Variants in PRAG1 observed in about 807,000 individuals in gnomAD.
PRAG1 encodes the protein inactive tyrosine-protein kinase PRAG1.
PRAG1 carries 110 observed loss-of-function variants against 95.6 expected under a neutral mutation model. The observed-to-expected ratio is 1.15, with a 90% CI of 0.99 to 1.35. The LOEUF (loss-of-function observed/expected upper bound fraction) is 1.35. Ranked by LOEUF, PRAG1 falls within the 40% of genes most tolerant of loss-of-function variation. The pLI is 0.00. For synonymous variants in PRAG1, 1,052 were observed against 819.4 expected (o/e 1.28, Z -4.85); for missense variants, 2,554 against 1,864.7 (o/e 1.37, Z -6.81).
rs775909969 is a variant in PRAG1 at position 8,327,851 on chromosome 8, G to T, written c.2931C>A (p.Gly977=). 6.2e-7 allele frequency: 1 copy of T among 1,614,204 alleles called. No homozygotes were observed. The highest frequency in any genetic ancestry group is 1.3e-5 in the African/African-American group (1 of 75,050). ...VAKCEDLFMG[G]QKKELHFNEN... is the part of the protein sequence containing the mutation. ...CATTGAAGTGGAGCTCCTTTTTCTGGCCGCCCATGAAGAGGTCCTCACATT... is the reference window on the plus strand; with the variant it reads ...CATTGAAGTGGAGCTCCTTTTTCTGTCCGCCCATGAAGAGGTCCTCACATT... The change falls in exon 5 of 6, where the codon GGC becomes GGA. Residue 977 remains glycine (G), a synonymous_variant. Transcript: ENST00000615670.
Position 8,381,694 on chromosome 8 carries a change from A to T in PRAG1, c.54T>A (p.Ser18Arg). Residue 18 changes from serine to arginine, a missense_variant, in exon 2 of 6, where the codon AGT becomes AGA. Ser to Arg is a moderately radical substitution (Grantham distance 110). Transcript: ENST00000615670. ...NPESLKMSAC[S>R]DFVEHIWKPG... ...GTTTCCAGATGTGCTCCACAAAGTC[A>T]CTGCACGCAGACATTTTCAGGCTCT... The T allele has an allele frequency of 7.4e-6, 12 of 1,610,924 alleles. No homozygotes were observed. The highest frequency in any genetic ancestry group is 1.0e-5 in the Non-Finnish European group (12 of 1,177,618).
At chr8:8,325,777 G>A (rs542133341) in intron 5 of PRAG1, among the ~76,000 whole-genome samples, 2 of 152,082 alleles carry the variant, frequency 1.3e-5, no homozygotes, top group East Asian at 1.9e-4. Context: ...GGCGTGGTGA[G>A]GGGGCGGCGC....
At chr8:8,327,115 A>G (rs547248074) in intron 5 of PRAG1, among the ~76,000 whole-genome samples, 1 of 152,278 alleles carries the variant, frequency 6.6e-6, no homozygotes, top group South Asian at 2.1e-4. Context: ...ACTCAATAAA[A>G]ACCTGGTCAA....
At chr8:8,382,226 G>A (rs1341679197) in intron 1 of PRAG1, among the ~76,000 whole-genome samples, 1 of 152,168 alleles carries the variant, frequency 6.6e-6, no homozygotes, top group African/African-American at 2.4e-5. Context: ...TAGAGTCTGG[G>A]ACGCTGACCC....
rs751614863 is a variant in PRAG1, at chr8:8,376,474, C to T, written c.1935G>A (p.Val645=). The T allele has an allele frequency of 1.4e-5, 23 of 1,613,770 alleles. No homozygotes were observed. Among genetic ancestry groups the T allele is most frequent in the Non-Finnish European group, 1.9e-5 (23 of 1,179,840 alleles). Residue 645 remains valine, a synonymous_variant, in exon 3 of 6, where the codon GTG becomes GTA. Coordinates refer to ENST00000615670, the MANE Select transcript of PRAG1 (RefSeq NM_001080826.3). ...AGCTGTGACTCAGCAATTCCTGCTC[C>T]ACCTCCTCTTCTTCCTCTATCCGGC... ...RQCRIEEEEE[V]EQELLSHSWG...
At chr8:8,349,341 C>A (rs1034010727) in intron 3 of PRAG1, among the ~76,000 whole-genome samples, 1 of 151,938 alleles carries the variant, frequency 6.6e-6, no homozygotes, top group Admixed American at 6.6e-5. Flanking sequence ...AGTGCAGTGG[C>A]ATCATCTCGC....
At chr8:8,336,562 G>A (rs994243762) in intron 4 of PRAG1, among the ~76,000 whole-genome samples, 4 of 152,194 alleles carry the variant, frequency 2.6e-5, no homozygotes, top group African/African-American at 9.7e-5. Context: ...TCTGATACAA[G>A]TATAAAGAGG....
chr8:8,381,773 T>C lies in PRAG1; in HGVS notation c.-26A>G. On this transcript the variant is annotated 5_prime_UTR_variant, in exon 2 of 6. The change abolishes an upstream ATG in the 5' untranslated region. Coordinates refer to ENST00000615670, the MANE Select transcript of PRAG1 (RefSeq NM_001080826.3). ...CTTGAGCCGACAGGGTGCTGGTTCATCTTGCGCCCGGCTCTCTGGTGCAGT... is the reference window on the plus strand; with the variant it reads ...CTTGAGCCGACAGGGTGCTGGTTCACCTTGCGCCCGGCTCTCTGGTGCAGT... 6.5e-7 allele frequency: 1 copy of C among 1,534,604 alleles called. No homozygotes were observed. The highest frequency in any genetic ancestry group is 8.8e-7 in the Non-Finnish European group (1 of 1,136,612).
At chr8:8,372,553 G>C (rs554757418) in intron 3 of PRAG1, among the ~76,000 whole-genome samples, 1 of 152,204 alleles carries the variant, frequency 6.6e-6, no homozygotes, top group Non-Finnish European at 1.5e-5. Context: ...TCCAGGCCTT[G>C]CCGTACCCGC....
intron 5 of PRAG1, among the ~76,000 whole-genome samples, chr8:8,325,874 C>T (rs1026554362): frequency 2.6e-5 from 4 of 151,552 alleles, no homozygotes; most frequent in Admixed American, 1.3e-4. Context: ...GATCACACCA[C>T]GTACTCCAGC....
intron 3 of PRAG1, among the ~76,000 whole-genome samples, chr8:8,351,426 A>T (rs1405824253): frequency 6.6e-6 from 1 of 152,198 alleles, no homozygotes; most frequent in Non-Finnish European, 1.5e-5. Context: ...CATATGACTG[A>T]GTAATTCTTT....
rs59372311 is a variant in PRAG1 at position 8,377,352 on chromosome 8, CGCCGCTGCCGCTGCCGCT to C, written c.1039_1056del (p.Ser347_Gly352del). The C allele has an allele frequency of 3.8e-6, 6 of 1,581,610 alleles. No homozygotes were observed. Among genetic ancestry groups the C allele is most frequent in the South Asian group, 1.1e-5 (1 of 87,164 alleles). On this transcript the variant is annotated inframe_deletion, in exon 3 of 6. Coordinates refer to ENST00000615670, the MANE Select transcript of PRAG1 (RefSeq NM_001080826.3). Reference sequence around the variant, plus strand: ...AGGTGGGGGACGAAGGGGCTACTGGCGCCGCTGCCGCTGCCGCTGCCGCTGCCACAAGAGAGGCCGTCG... The same window carrying C: ...AGGTGGGGGACGAAGGGGCTACTGGCGCCGCTGCCACAAGAGAGGCCGTCG...
At chr8:8,354,292 G>GA (rs1234833186) in intron 3 of PRAG1, among the ~76,000 whole-genome samples, 2 of 151,520 alleles carry the variant, frequency 1.3e-5, no homozygotes, top group Non-Finnish European at 2.9e-5. Context: ...ACGTTCCAAC[G>GA]AAGAAAACCC....
At chr8:8,340,562 C>T (rs905999482) in intron 3 of PRAG1, among the ~76,000 whole-genome samples, 14 of 152,244 alleles carry the variant, frequency 9.2e-5, no homozygotes, top group Non-Finnish European at 1.8e-4. Context: ...AGATCCATAT[C>T]TCAATATCTG....
In PRAG1 at chr8:8,317,929, G is replaced by T. The variant is rs930455253; in HGVS notation, c.*225C>A. 3.0e-6 allele frequency: 1 copy of T among 338,722 alleles called. No individual in the cohort carries two copies. The highest frequency in any genetic ancestry group is 2.1e-5 in the African/African-American group (1 of 47,354). The allele number at this position is 338,722 out of a possible 1,614,324, so 21.0% of individuals were successfully genotyped here. On this transcript the variant is annotated 3_prime_UTR_variant, in exon 6 of 6. Transcript: ENST00000615670. ...TGTGTATAATTACAGAAGAAAACAG[G>T]GAGGACTTAGTGCAGAGAGGAGACG...
At chr8:8,352,955 T>C (rs1045318400) in intron 3 of PRAG1, among the ~76,000 whole-genome samples, 6 of 152,090 alleles carry the variant, frequency 3.9e-5, no homozygotes, top group Admixed American at 3.9e-4. Context: ...AAGTCAAAAA[T>C]GGTTACAAGA....
chr8:8,362,845 T>G (rs1799885906), intron 3 of PRAG1, among the ~76,000 whole-genome samples: 1 of 152,142 alleles, frequency 6.6e-6, no homozygotes, highest in Non-Finnish European at 1.5e-5. Flanking sequence ...TTAGCCTGAT[T>G]GGCTAACAAT....
chr8:8,344,454 A>G (rs1213490630), intron 3 of PRAG1, among the ~76,000 whole-genome samples: 1 of 152,222 alleles, frequency 6.6e-6, no homozygotes, highest in African/African-American at 2.4e-5. Context: ...AGCACATAAT[A>G]AAATGTAAAT....
intron 3 of PRAG1, among the ~76,000 whole-genome samples, chr8:8,356,128 A>C (rs1377641457): frequency 6.6e-6 from 1 of 152,226 alleles, no homozygotes; most frequent in East Asian, 1.9e-4. Context: ...CTGAACAGAC[A>C]TTTATCTGAA....
Sources: allele counts gnomAD v4.1 joint callset (sites outside exome capture counted in the v4.1 genomes callset), GRCh38; gene constraint gnomAD v4.1.1; transcripts MANE v1.5; gene names NCBI Gene and HGNC (gene_info 2026-07-23, HGNC 2026-07-21).